The following POU6F2 variants were observed in gnomAD, a reference collection of about 807,000 sequenced individuals.
POU6F2 encodes the protein POU domain, class 6, transcription factor 2.
POU6F2 carries 31 observed loss-of-function variants against 71.3 expected under a neutral mutation model. The observed-to-expected ratio is 0.43, with a 90% CI of 0.33 to 0.59. The LOEUF (loss-of-function observed/expected upper bound fraction) is 0.59, where lower values mean the gene tolerates loss of function less well. Among genes scored for constraint, POU6F2 ranks in the 20% least tolerant of loss-of-function variants. The pLI, the probability that POU6F2 is intolerant of heterozygous loss-of-function variation, is 0.04. For synonymous variants in POU6F2, 347 were observed against 355.7 expected, an observed-to-expected ratio of 0.98 and a Z score of 0.27; for missense variants, 783 against 856.8, an observed-to-expected ratio of 0.91 and a Z score of 1.07.
At chr7:39,377,255 C>G (rs932263135) in intron 5 of POU6F2, among the ~76,000 whole-genome samples, 1 of 151,776 alleles carries the variant, frequency 6.6e-6, no homozygotes, top group Non-Finnish European at 1.5e-5. Context: ...CTCAGCCTCC[C>G]AAGTGGCTGG....
At chr7:39,058,102 CCA>C (rs1339656163) in intron 1 of POU6F2, among the ~76,000 whole-genome samples, 1 of 152,164 alleles carries the variant, frequency 6.6e-6, no homozygotes, top group Non-Finnish European at 1.5e-5. Flanking sequence ...TCTCACCATT[CCA>C]TAAAGCTAGA....
intron 2 of POU6F2, among the ~76,000 whole-genome samples, chr7:39,165,682 G>A (rs980391718): frequency 6.6e-6 from 1 of 152,082 alleles, no homozygotes; most frequent in African/African-American, 2.4e-5. Flanking sequence ...CCAAGATCAA[G>A]ATGCTTAAGA....
intron 5 of POU6F2, among the ~76,000 whole-genome samples, chr7:39,377,068 T>C (rs2024102): frequency 0.16 from 23,512 of 147,994 alleles, 1,929 homozygotes; most frequent in East Asian, 0.24. Flanking sequence ...TATATAATTA[T>C]ATTTAAATTA....
intron 4 of POU6F2, among the ~76,000 whole-genome samples, chr7:39,288,443 A>T (rs1784691053): frequency 6.6e-6 from 1 of 152,250 alleles, no homozygotes; most frequent in South Asian, 2.1e-4. Flanking sequence ...ACTCACAAGT[A>T]GCAGACATTC....
chr7:39,058,267 G>T (rs191872463), intron 1 of POU6F2, among the ~76,000 whole-genome samples: 1 of 152,284 alleles, frequency 6.6e-6, no homozygotes, highest in Admixed American at 6.5e-5. Context: ...TTCTGTACTA[G>T]GAGCCAGTCA....
chr7:39,131,697 G>C (rs545054603), intron 2 of POU6F2, among the ~76,000 whole-genome samples: 1 of 152,304 alleles, frequency 6.6e-6, no homozygotes, highest in African/African-American at 2.4e-5. Flanking sequence ...AATTCACTAA[G>C]TCAGGAGGTT....
intron 1 of POU6F2, among the ~76,000 whole-genome samples, chr7:39,031,156 C>T (rs1789933907): frequency 6.6e-6 from 1 of 152,162 alleles, no homozygotes; most frequent in Non-Finnish European, 1.5e-5. Context: ...TCCTCGGCCT[C>T]CCAAAGTGCT....
intron 1 of POU6F2, among the ~76,000 whole-genome samples, chr7:39,064,832 G>A (rs1282903940): frequency 1.3e-5 from 2 of 151,758 alleles, no homozygotes. Flanking sequence ...AGTACTAAAT[G>A]ATAAAAATTC....
Position 39,085,848 on chromosome 7 carries a change from C to T in POU6F2, c.106-12C>T, listed in dbSNP as rs773541018. The T allele has an allele frequency of 3.3e-5, 54 of 1,612,592 alleles. No individual in the cohort carries two copies. The highest frequency in any genetic ancestry group is 3.9e-5 in the Non-Finnish European group (46 of 1,179,400). On this transcript the variant is annotated splice_polypyrimidine_tract_variant and intron_variant, in intron 1 of 9. Coordinates refer to ENST00000518318, the MANE Select transcript of POU6F2 (RefSeq NM_001370959.1). ...TTTTTTTCCTCCCCTTCACTCTTTTCGCCCATCCTAGGATCCAATGATAGC... is the reference window on the plus strand; with the variant it reads ...TTTTTTTCCTCCCCTTCACTCTTTTTGCCCATCCTAGGATCCAATGATAGC...
chr7:39,371,075 G>C (rs912457602), intron 5 of POU6F2, among the ~76,000 whole-genome samples: 3 of 152,090 alleles, frequency 2.0e-5, no homozygotes, highest in Admixed American at 6.5e-5. Flanking sequence ...TCCTCTGCAG[G>C]GCATAGACCT....
chr7:39,419,944 G>A (rs772803396), intron 6 of POU6F2, among the ~76,000 whole-genome samples: 18 of 152,106 alleles, frequency 1.2e-4, no homozygotes, highest in South Asian at 2.1e-4. Flanking sequence ...ACTTTTCTCC[G>A]TAACAAAATG....
chr7:39,195,487 A>G (rs1286427662), intron 2 of POU6F2, among the ~76,000 whole-genome samples: 1 of 152,148 alleles, frequency 6.6e-6, no homozygotes, highest in Non-Finnish European at 1.5e-5. Context: ...GGGGTCTTGG[A>G]GGAGAAGAGG....
At chr7:38,980,357 A>G (rs1459874821) in intron 1 of POU6F2, among the ~76,000 whole-genome samples, 4 of 152,214 alleles carry the variant, frequency 2.6e-5, no homozygotes, top group African/African-American at 9.6e-5. Context: ...AGAATAGAAT[A>G]TTGTCCTATA....
chr7:39,419,277 C>T (rs1204801264), intron 6 of POU6F2, among the ~76,000 whole-genome samples: 1 of 151,562 alleles, frequency 6.6e-6, no homozygotes. Flanking sequence ...CTCACTCTGT[C>T]GCCCAGGTTG....
At chr7:39,116,162 A>T (rs1350876764) in intron 2 of POU6F2, among the ~76,000 whole-genome samples, 1 of 152,190 alleles carries the variant, frequency 6.6e-6, no homozygotes, top group African/African-American at 2.4e-5. Context: ...AGATGGAAGG[A>T]TCGCTTGAGC....
intron 2 of POU6F2, among the ~76,000 whole-genome samples, chr7:39,185,939 T>G (rs1793532268): frequency 6.6e-6 from 1 of 151,362 alleles, no homozygotes; most frequent in African/African-American, 2.4e-5. Flanking sequence ...GAGATGGAGT[T>G]TTGCTCTGTT....
rs966084171 is a variant in POU6F2, at chr7:39,160,700, A to G, written c.278-43535A>G. Among the ~76,000 whole-genome samples the G allele has an allele frequency of 2.0e-5, 3 of 152,240 alleles. No individual in the cohort carries two copies. The South Asian group carries it at 6.2e-4, about 32-fold the overall frequency. On this transcript the variant is annotated intron_variant, in intron 2 of 9. Coordinates refer to ENST00000518318, the MANE Select transcript of POU6F2 (RefSeq NM_001370959.1). ...AGCCTATTTCATGAAGACTTTGTTG[A>G]TTAATTCTTTGGGATTAACTTGCCT...
chr7:39,261,462 T>G (rs1170118087), intron 4 of POU6F2, among the ~76,000 whole-genome samples: 1 of 152,232 alleles, frequency 6.6e-6, no homozygotes, highest in Admixed American at 6.5e-5. Flanking sequence ...AAGAATCAGC[T>G]TTTCTGGCTC....
At chr7:39,129,046 C>T (rs1306117204) in intron 2 of POU6F2, among the ~76,000 whole-genome samples, 1 of 152,178 alleles carries the variant, frequency 6.6e-6, no homozygotes, top group Non-Finnish European at 1.5e-5. Flanking sequence ...CCTGAAATGA[C>T]ATGAATGCCC....
Sources: allele counts gnomAD v4.1 joint callset (sites outside exome capture counted in the v4.1 genomes callset), GRCh38; gene constraint gnomAD v4.1.1; transcripts MANE v1.5; gene names NCBI Gene and HGNC (gene_info 2026-07-23, HGNC 2026-07-21).